The following PHACTR2 variants were observed in gnomAD, a reference collection of about 807,000 sequenced individuals.
The protein encoded by PHACTR2 is chromosome 6 open reading frame 56.
A neutral mutation model predicts 76.0 loss-of-function variants in PHACTR2; 30 were observed. The observed-to-expected ratio is 0.39, with a 90% confidence interval of 0.30 to 0.54. The LOEUF (loss-of-function observed/expected upper bound fraction) is 0.54. Ranked by LOEUF, PHACTR2 falls within the 20% of genes least tolerant of loss-of-function variation. The probability of loss-of-function intolerance (pLI) is 0.61; values close to 1 mark genes in which losing one functional copy is unlikely to be tolerated. For missense variants in PHACTR2, 696 were observed against 781.1 expected, an observed-to-expected ratio of 0.89 and a Z score of 1.30; for synonymous variants, 292 against 292.5, an observed-to-expected ratio of 1.00 and a Z score of 0.02.
Position 143,608,206 on chromosome 6 carries a change from A to C in PHACTR2, c.-104A>C. The C allele has an allele frequency of 1.7e-6, 2 of 1,192,244 alleles. No homozygotes were observed. Among genetic ancestry groups the C allele is most frequent in the Non-Finnish European group, 2.5e-6 (2 of 802,340 alleles). The allele number at this position is 1,192,244 out of a possible 1,614,324, so 73.9% of individuals were successfully genotyped here. On this transcript the variant is annotated 5_prime_UTR_variant, in exon 1 of 12. Coordinates refer to the PHACTR2 transcript ENST00000305766. This position sits in a 1 kb window ranked among gnomAD's most constrained non-coding sequence, Gnocchi z 4.6. ...GTGCATGAAGTATGCTCAGTGTGCC[A>C]GCAAGGGCTGATAATCAGCAGAAGG... is the stretch of plus-strand genomic sequence containing the variant.
At chr6:143,788,974 C>G (rs773612991) in intron 11 of PHACTR2, 64 bp downstream of exon 11, 3 of 1,462,190 alleles carry the variant, frequency 2.1e-6, no homozygotes, top group Non-Finnish European at 2.9e-6. Context: ...ATATCCACAT[C>G]CCCCCTACTT....
At chr6:143,637,968 G>A (rs892700442) in intron 1 of PHACTR2, among the ~76,000 whole-genome samples, 4 of 152,172 alleles carry the variant, frequency 2.6e-5, no homozygotes, top group Admixed American at 2.0e-4. Context: ...ACACCAGGAG[G>A]CAGTGATCAT....
upstream of PHACTR2, among the ~76,000 whole-genome samples, chr6:143,606,525 A>C (rs1775875302): frequency 6.6e-6 from 1 of 152,224 alleles, no homozygotes; most frequent in South Asian, 2.1e-4. Context: ...AAATATATTC[A>C]TATTAGGCAA....
intron 1 of PHACTR2, among the ~76,000 whole-genome samples, chr6:143,628,393 C>A (rs1249022135): frequency 6.6e-6 from 1 of 152,218 alleles, no homozygotes. Flanking sequence ...GTCAGCAGGG[C>A]TGCATTCCTT....
Position 143,627,643 on chromosome 6 carries a change from C to G in PHACTR2, c.13+19321C>G, listed in dbSNP as rs368735195. Among the ~76,000 whole-genome samples, 7 of 150,706 alleles carry G rather than the reference C, an allele frequency of 4.6e-5. No homozygotes were observed. In the South Asian group the frequency reaches 6.3e-4, roughly 14 times the overall value. ...TTGAGAAGAAGTCTCGCTCTGTCAC[C>G]CAGGCTGGAATGCAGTGGCACGATC... On this transcript the variant is annotated intron_variant, in intron 1 of 11. Transcript: ENST00000305766. The surrounding 1 kb of genome is among the most constrained non-coding windows in gnomAD (Gnocchi z 4.3).
rs186557305 is a variant in PHACTR2, at chr6:143,757,294, G to C, written c.455-3107G>C. Among the ~76,000 whole-genome samples, 1 of 152,098 alleles carries C rather than the reference G, an allele frequency of 6.6e-6. No homozygotes were observed. Among genetic ancestry groups the C allele is most frequent in the Non-Finnish European group, 1.5e-5 (1 of 68,016 alleles). On this transcript the variant is annotated intron_variant, in intron 4 of 12. Transcript: ENST00000440869. The surrounding 1 kb of genome is among the most constrained non-coding windows in gnomAD (Gnocchi z 4.2). The stretch of plus-strand genomic sequence containing the variant: ...CCTGTGAGGAGACCAGAATGCAAAC[G>C]GGCAATTGTAGTGCAAGATGCGAAG...
At position 143,829,651 on chromosome 6, in the gene PHACTR2, C is replaced by T. The variant is rs750540896; in HGVS notation, c.*5962C>T. 2.0e-5 allele frequency: 3 copies of T among 152,288 alleles called. No individual in the cohort carries two copies. Among genetic ancestry groups the T allele is most frequent in the East Asian group, 1.9e-4 (1 of 5,190 alleles). 9.4% of individuals were successfully genotyped at this position (152,288 alleles called of 1,614,324 possible). A position where few individuals can be genotyped will look rare whatever the true frequency, so the allele number is the denominator to read the frequency against. On this transcript the variant is annotated 3_prime_UTR_variant, in exon 13 of 13. Coordinates refer to ENST00000440869, the MANE Select transcript of PHACTR2 (RefSeq NM_001100164.2). ...CAATACAGAAACATATTCTCTTTGT[C>T]GCTTTTTATCACCAAAACTGAATGG...
At position 143,657,475 on chromosome 6, in the gene PHACTR2, T is replaced by A. The variant is rs143297394; in HGVS notation, c.13+49153T>A. Among the ~76,000 whole-genome samples the A allele has an allele frequency of 4.7e-3, 723 of 152,280 alleles. 6 individuals carry two copies. The highest frequency in any genetic ancestry group is 0.017 in the African/African-American group (686 of 41,546). On this transcript the variant is annotated intron_variant, in intron 1 of 11. Transcript: ENST00000305766. ...ACTTCATCAGTCATAGAATATGTAC[T>A]CTTTTGTGTCTGGTTTCTTACACTC...
rs1488546876 is a variant in PHACTR2 at position 143,546,264 on chromosome 6, T to C, written c.217+9057T>C. Among the ~76,000 whole-genome samples, 2 of 152,182 alleles carry C rather than the reference T, an allele frequency of 1.3e-5. No individual in the cohort carries two copies. Among genetic ancestry groups the C allele is most frequent in the African/African-American group, 4.8e-5 (2 of 41,434 alleles). On this transcript the variant is annotated intron_variant, in intron 1 of 11. Coordinates refer to the PHACTR2 transcript ENST00000367584. This position sits in a 1 kb window ranked among gnomAD's most constrained non-coding sequence, Gnocchi z 4.9. ...CCTGTTGGCTAAAATTTGACATTTATATGCCTTACTTTGCAGTTTCTTGAT... is the reference window on the plus strand; with the variant it reads ...CCTGTTGGCTAAAATTTGACATTTACATGCCTTACTTTGCAGTTTCTTGAT...
chr6:143,559,270 A>G (rs1403255614), intron 1 of PHACTR2, among the ~76,000 whole-genome samples: 1 of 152,242 alleles, frequency 6.6e-6, no homozygotes, highest in Non-Finnish European at 1.5e-5. Context: ...ATGATCAAGC[A>G]GGTCAGCCCC....
chr6:143,577,376 C>T (rs761023880), intron 1 of PHACTR2, among the ~76,000 whole-genome samples: 1 of 152,052 alleles, frequency 6.6e-6, no homozygotes, highest in Non-Finnish European at 1.5e-5. Context: ...TCCCAGATAA[C>T]AGTAGAGAAG....
intron 1 of PHACTR2, among the ~76,000 whole-genome samples, chr6:143,593,477 A>G (rs1181854396): frequency 2.6e-5 from 4 of 152,220 alleles, no homozygotes; most frequent in Non-Finnish European, 5.9e-5. Flanking sequence ...CTCTTAGTTC[A>G]GCAGTAACAG....
In PHACTR2 at chr6:143,561,161, A is replaced by G. The variant is rs993612014; in HGVS notation, c.217+23954A>G. The stretch of plus-strand genomic sequence containing the variant: ...TGAAGGAGAGGAAGATGCAGTAGGC[A>G]CTGACCTTCTGACCTTGGCGGGATG... On this transcript the variant is annotated intron_variant, in intron 1 of 11. Transcript: ENST00000367584. This position sits in a 1 kb window ranked among gnomAD's most constrained non-coding sequence, Gnocchi z 4.1. 5.2e-5 allele frequency: 8 copies of G among 152,422 alleles called. No individual in the cohort carries two copies. Among genetic ancestry groups the G allele is most frequent in the African/African-American group, 1.9e-4 (8 of 41,452 alleles). The allele number at this position is 152,422 out of a possible 1,614,324, so 9.4% of individuals were successfully genotyped here. A position where few individuals can be genotyped will look rare whatever the true frequency, so the allele number is the denominator to read the frequency against.
In PHACTR2 at chr6:143,750,041, T is replaced by G. The variant is rs1779151177; in HGVS notation, c.295+976T>G. Among the ~76,000 whole-genome samples the G allele has an allele frequency of 6.6e-6, 1 of 152,224 alleles. No homozygotes were observed. The highest frequency in any genetic ancestry group is 6.5e-5 in the Admixed American group (1 of 15,284). Reference sequence around the variant, plus strand: ...GTTCCTTGCAAAGGACTTAACATTTTTTGGCATTCACTATTTGTAAATCAA... The same window carrying G: ...GTTCCTTGCAAAGGACTTAACATTTGTTGGCATTCACTATTTGTAAATCAA... On this transcript the variant is annotated intron_variant, in intron 3 of 12. Coordinates refer to ENST00000440869, the MANE Select transcript of PHACTR2 (RefSeq NM_001100164.2). The surrounding 1 kb of genome is among the most constrained non-coding windows in gnomAD (Gnocchi z 4.6).
At position 143,546,721 on chromosome 6, in the gene PHACTR2, A is replaced by G. The variant is rs976385573; in HGVS notation, c.217+9514A>G. 2.1e-4 allele frequency among the ~76,000 whole-genome samples: 32 copies of G among 152,230 alleles called. No individual in the cohort carries two copies. The highest frequency in any genetic ancestry group is 1.9e-3 in the Admixed American group (29 of 15,276). Reference sequence around the variant, plus strand: ...TTGGAGAACAAGACAGAAAGGTGTGATAATGATAAAGAATGTGATTTAGCC... The same window carrying G: ...TTGGAGAACAAGACAGAAAGGTGTGGTAATGATAAAGAATGTGATTTAGCC... On this transcript the variant is annotated intron_variant, in intron 1 of 11. Transcript: ENST00000367584. The surrounding 1 kb of genome is among the most constrained non-coding windows in gnomAD (Gnocchi z 4.9).
chr6:143,670,104 G>A (rs1777123818), intron 1 of PHACTR2, among the ~76,000 whole-genome samples: 2 of 152,162 alleles, frequency 1.3e-5, no homozygotes. Context: ...CTTTGCTTAT[G>A]AAGCTTAGTT....
intron 9 of PHACTR2, among the ~76,000 whole-genome samples, chr6:143,779,120 A>G (rs1775356658): frequency 6.6e-6 from 1 of 152,194 alleles, no homozygotes; most frequent in African/African-American, 2.4e-5. Context: ...TGTACAGCCA[A>G]GGGAGGCAGA....
rs191081056 is a variant in PHACTR2 at position 143,711,823 on chromosome 6, G to T, written c.47-193G>T. 9 of 745,754 alleles carry T rather than the reference G, an allele frequency of 1.2e-5. No homozygotes were observed. In the East Asian group the frequency reaches 2.3e-4, roughly 19 times the overall value. 46.2% of individuals were successfully genotyped at this position (745,754 alleles called of 1,614,324 possible). ...GTTTCCCCAGAATGATTTTCTAAGT[G>T]GGCTGTAATTTCTGATTGACTGATT... On this transcript the variant is annotated intron_variant, in intron 1 of 12. Transcript: ENST00000440869.
intron 2 of PHACTR2, among the ~76,000 whole-genome samples, chr6:143,715,054 A>G (rs1778272068): frequency 6.6e-6 from 1 of 152,134 alleles, no homozygotes. Flanking sequence ...TGCTGCCTCT[A>G]CTTTCTTTCT....
Sources: gnomAD v4.1 joint callset for allele counts (sites outside exome capture counted in the v4.1 genomes callset) on GRCh38, gnomAD v4.1.1 for gene constraint, Gnocchi (gnomAD v3.1) non-coding constraint, MANE v1.5 for transcripts, NCBI Gene and HGNC (gene_info 2026-07-23, HGNC 2026-07-21) for gene names.